Variants in TTLL5 observed in about 807,000 individuals in gnomAD.
TTLL5 encodes the protein tubulin polyglutamylase TTLL5.
Under a neutral mutation model 168.4 loss-of-function variants are expected in TTLL5, and 132 were observed. The observed-to-expected ratio is 0.78, with a 90% CI of 0.68 to 0.91. TTLL5 has a LOEUF of 0.91. TTLL5 is among the 40% of genes least tolerant of loss of function. The pLI is 0.00. For synonymous variants in TTLL5, 546 were observed against 558.6 expected (o/e 0.98, Z 0.32); for missense variants, 1,545 against 1,581.5 (o/e 0.98, Z 0.39).
At chr14:75,789,463 T>C (rs916032031) in intron 26 of TTLL5, among the ~76,000 whole-genome samples, 1 of 152,168 alleles carries the variant, frequency 6.6e-6, no homozygotes, top group Non-Finnish European at 1.5e-5. Flanking sequence ...CTTTCAAAAT[T>C]ACTTGCCAGA....
At chr14:75,668,937 A>C (rs1410407583) in intron 2 of TTLL5, among the ~76,000 whole-genome samples, 3 of 152,168 alleles carry the variant, frequency 2.0e-5, no homozygotes, top group Non-Finnish European at 4.4e-5. Context: ...TCTTCAGTCA[A>C]CCTCCTGCTG....
chr14:75,901,054 A>G (rs939126203), intron 30 of TTLL5, among the ~76,000 whole-genome samples: 1 of 152,252 alleles, frequency 6.6e-6, no homozygotes, highest in Non-Finnish European at 1.5e-5. Context: ...AGAACTGAGC[A>G]TGTTGAAAGC....
intron 30 of TTLL5, among the ~76,000 whole-genome samples, chr14:75,891,757 A>G (rs2032413616): frequency 6.6e-6 from 1 of 152,216 alleles, no homozygotes; most frequent in African/African-American, 2.4e-5. Flanking sequence ...GGGAGACAGT[A>G]GAGTACAGTT....
At chr14:75,816,471 G>T (rs7145487) in intron 27 of TTLL5, among the ~76,000 whole-genome samples, 130,059 of 152,204 alleles carry the variant, frequency 0.85, 56,198 homozygotes, top group Non-Finnish European at 0.92. Flanking sequence ...TCCATAAGTG[G>T]TAACTGTTAA....
chr14:75,761,212 A>G (rs1890624414), intron 18 of TTLL5, among the ~76,000 whole-genome samples: 1 of 152,210 alleles, frequency 6.6e-6, no homozygotes, highest in African/African-American at 2.4e-5. Context: ...AATGGCAGAT[A>G]TTATACTGAC....
chr14:75,750,758 C>G (rs1889902259), intron 17 of TTLL5, among the ~76,000 whole-genome samples: 1 of 151,528 alleles, frequency 6.6e-6, no homozygotes, highest in African/African-American at 2.4e-5. Flanking sequence ...TATATATGTA[C>G]CCATGATAAA....
chr14:75,701,393 C>T (rs751597152), intron 7 of TTLL5, among the ~76,000 whole-genome samples: 2 of 152,108 alleles, frequency 1.3e-5, no homozygotes, highest in Admixed American at 6.6e-5. Context: ...TGAAACTGGC[C>T]GCTGGTCTGG....
chr14:75,924,685 C>T lies in TTLL5; in HGVS notation c.3823+22461C>T, dbSNP rs1279092960. Among the ~76,000 whole-genome samples, 5 of 152,102 alleles carry T rather than the reference C, an allele frequency of 3.3e-5. No homozygotes were observed. The South Asian group carries it at 8.3e-4, about 25-fold the overall frequency. Reference sequence around the variant, plus strand: ...TGAAAAGTCTCCCATGACTACTTCCCTCTACACAGACACGGCAACCATCCG... The same window carrying T: ...TGAAAAGTCTCCCATGACTACTTCCTTCTACACAGACACGGCAACCATCCG... On this transcript the variant is annotated intron_variant, in intron 31 of 31. Coordinates refer to ENST00000298832, the MANE Select transcript of TTLL5 (RefSeq NM_015072.5).
At chr14:75,858,580 G>T (rs1371223897) in intron 28 of TTLL5, among the ~76,000 whole-genome samples, 1 of 152,158 alleles carries the variant, frequency 6.6e-6, no homozygotes, top group East Asian at 1.9e-4. Flanking sequence ...TGGATATTTG[G>T]CAGTTGTTTC....
chr14:75,919,513 A>G (rs991094432), intron 31 of TTLL5, among the ~76,000 whole-genome samples: 1 of 152,250 alleles, frequency 6.6e-6, no homozygotes, highest in East Asian at 1.9e-4. Context: ...ATTCAGTGGT[A>G]CCAAGACTAT....
intron 30 of TTLL5, among the ~76,000 whole-genome samples, chr14:75,898,514 C>T (rs184625495): frequency 2.0e-5 from 3 of 152,222 alleles, no homozygotes; most frequent in Non-Finnish European, 2.9e-5. Flanking sequence ...TGGTACCACA[C>T]GCCTGTAGTC....
At chr14:75,902,314 C>G in intron 31 of TTLL5, 90 bp downstream of exon 31, 1 of 1,316,120 alleles carries the variant, frequency 7.6e-7, no homozygotes, top group Non-Finnish European at 1.1e-6. Flanking sequence ...CAAAGAGAGC[C>G]CCAGTTCAAA....
chr14:75,890,187 C>T (rs1301475924), intron 30 of TTLL5, among the ~76,000 whole-genome samples: 2 of 152,104 alleles, frequency 1.3e-5, no homozygotes, highest in Non-Finnish European at 2.9e-5. Context: ...AGGGAAGATG[C>T]TGAGAGTCGT....
chr14:75,887,845 C>G (rs1431856976), intron 30 of TTLL5, among the ~76,000 whole-genome samples: 1 of 152,140 alleles, frequency 6.6e-6, no homozygotes, highest in Non-Finnish European at 1.5e-5. Context: ...CTTAAATGAC[C>G]AGGAAATACT....
chr14:75,800,277 T>C (rs753400692), intron 27 of TTLL5, among the ~76,000 whole-genome samples: 2 of 152,166 alleles, frequency 1.3e-5, no homozygotes, highest in Non-Finnish European at 2.9e-5. Flanking sequence ...TTCCAGTGTA[T>C]TTTGCATCTC....
chr14:75,871,841 A>G (rs2031061028), intron 29 of TTLL5, among the ~76,000 whole-genome samples: 1 of 152,250 alleles, frequency 6.6e-6, no homozygotes. Flanking sequence ...TAAACCAACC[A>G]TGTGAGATCC....
chr14:75,791,031 G>A (rs954077102), intron 26 of TTLL5, among the ~76,000 whole-genome samples: 7 of 148,990 alleles, frequency 4.7e-5, no homozygotes, highest in Non-Finnish European at 1.0e-4. Flanking sequence ...GCGTGAACCT[G>A]GGAGGCGGAG....
rs202149877 is a variant in TTLL5, at chr14:75,763,253, C to CTGTGTGTGTGTG, written c.1551-1361_1551-1360insGTGTGTGTGTGT. The stretch of plus-strand genomic sequence containing the variant: ...TAAAAGTTTATTTCTATAGCTCTCT[C>CTGTGTGTGTGTG]TCTGTGTGTGTGTGTGTGTGTGTGT... On this transcript the variant is annotated intron_variant, in intron 18 of 31. Coordinates refer to ENST00000298832, the MANE Select transcript of TTLL5 (RefSeq NM_015072.5). Among the ~76,000 whole-genome samples the CTGTGTGTGTGTG allele has an allele frequency of 4.9e-3, 710 of 145,474 alleles. 6 individuals are homozygous for CTGTGTGTGTGTG. Among genetic ancestry groups the CTGTGTGTGTGTG allele is most frequent in the African/African-American group, 0.013 (494 of 39,328 alleles).
chr14:75,737,711 AT>A, intron 15 of TTLL5: 1 of 1,204,330 alleles, frequency 8.3e-7, no homozygotes, highest in African/African-American at 1.5e-5. Flanking sequence ...TTATGTACCT[AT>A]TTTTTTGCGC....
Sources: allele counts gnomAD v4.1 joint callset (sites outside exome capture counted in the v4.1 genomes callset), GRCh38; gene constraint gnomAD v4.1.1; transcripts MANE v1.5; gene names NCBI Gene and HGNC (gene_info 2026-07-23, HGNC 2026-07-21).